Variants in CD226 observed in about 807,000 individuals in gnomAD.
The protein encoded by CD226 is CD226 molecule, also known as CD226 antigen.
A neutral mutation model predicts 34.9 loss-of-function variants in CD226; 24 were observed. That is an observed-to-expected ratio of 0.69 (90% confidence interval 0.50 to 0.97). The LOEUF is 0.97. Among genes scored for constraint, CD226 ranks in the 50% least tolerant of loss-of-function variants. The pLI is 0.00. For synonymous variants in CD226, 148 were observed against 147.4 expected, an observed-to-expected ratio of 1.00 and a Z score of -0.03; for missense variants, 397 against 412.7, an observed-to-expected ratio of 0.96 and a Z score of 0.33.
intron 2 of CD226, among the ~76,000 whole-genome samples, chr18:69,913,285 T>C (rs1159419611): frequency 6.6e-6 from 1 of 151,964 alleles, no homozygotes; most frequent in Non-Finnish European, 1.5e-5. Flanking sequence ...TTTTAGAAAA[T>C]AGATCGCCAG....
chr18:69,867,641 C>T (rs1299000060), intron 4 of CD226, among the ~76,000 whole-genome samples: 1 of 152,146 alleles, frequency 6.6e-6, no homozygotes, highest in East Asian at 1.9e-4. Flanking sequence ...TATCTAACCA[C>T]TGTGCATTAG....
intron 1 of CD226, among the ~76,000 whole-genome samples, chr18:69,955,846 G>A (rs922668188): frequency 3.1e-5 from 4 of 127,062 alleles, no homozygotes; most frequent in Non-Finnish European, 6.4e-5. Flanking sequence ...CTGGGCAAAG[G>A]AGCGAGACTC....
chr18:69,874,662 T>C (rs1228817242), intron 3 of CD226, among the ~76,000 whole-genome samples: 2 of 152,234 alleles, frequency 1.3e-5, no homozygotes, highest in Non-Finnish European at 2.9e-5. Context: ...AAATTTCTTC[T>C]CACTTTATCC....
intron 2 of CD226, among the ~76,000 whole-genome samples, chr18:69,910,484 G>A: frequency 6.6e-6 from 1 of 152,216 alleles, no homozygotes; most frequent in East Asian, 1.9e-4. Context: ...CACTGGGCTA[G>A]TATTCCTCAG....
Position 69,860,767 on chromosome 18 carries a change from G to A in CD226, c.*3547C>T, listed in dbSNP as rs779061732. On this transcript the variant is annotated 3_prime_UTR_variant, in exon 6 of 6. Coordinates refer to ENST00000582621, the MANE Select transcript of CD226 (RefSeq NM_001303618.2). ...ACATTTTAATAGTAGCTAAACTAATGATGACATGTTTATATTGTCTTATAT... is the reference window on the plus strand; with the variant it reads ...ACATTTTAATAGTAGCTAAACTAATAATGACATGTTTATATTGTCTTATAT... 1 of 152,092 alleles carries A rather than the reference G, an allele frequency of 6.6e-6. No homozygotes were observed. Among genetic ancestry groups the A allele is most frequent in the African/African-American group, 2.4e-5 (1 of 41,432 alleles). The allele number at this position is 152,092 out of a possible 1,614,324, so 9.4% of individuals were successfully genotyped here.
At chr18:69,921,830 G>A (rs894465316) in intron 2 of CD226, among the ~76,000 whole-genome samples, 7 of 151,900 alleles carry the variant, frequency 4.6e-5, no homozygotes, top group South Asian at 2.1e-4. Context: ...TCTTTCCTCC[G>A]GGTTTTTTGT....
chr18:69,959,718 A>G (rs1337896019), upstream of CD226, among the ~76,000 whole-genome samples: 1 of 152,250 alleles, frequency 6.6e-6, no homozygotes, highest in Non-Finnish European at 1.5e-5. Flanking sequence ...AATAGATGCT[A>G]AAACCATGAG....
At chr18:69,902,803 C>T (rs1209638380) in intron 2 of CD226, among the ~76,000 whole-genome samples, 1 of 151,992 alleles carries the variant, frequency 6.6e-6, no homozygotes, top group African/African-American at 2.4e-5. Flanking sequence ...TTGCCCTAAG[C>T]CATCTGCAGG....
chr18:69,917,389 C>A (rs924965236), intron 2 of CD226, among the ~76,000 whole-genome samples: 1 of 152,298 alleles, frequency 6.6e-6, no homozygotes, highest in East Asian at 1.9e-4. Flanking sequence ...CTCCCTCCCC[C>A]AGCACCATCT....
At chr18:69,914,630 A>C (rs976348194) in intron 2 of CD226, among the ~76,000 whole-genome samples, 1 of 152,210 alleles carries the variant, frequency 6.6e-6, no homozygotes, top group African/African-American at 2.4e-5. Flanking sequence ...AATGACAACC[A>C]CAACCATTTC....
At chr18:69,939,099 A>G (rs1346608225) in intron 2 of CD226, among the ~76,000 whole-genome samples, 3 of 152,212 alleles carry the variant, frequency 2.0e-5, no homozygotes, top group Admixed American at 6.5e-5. Context: ...AAAGGAAAAG[A>G]AAAAGAAATC....
At position 69,867,327 on chromosome 18, in the gene CD226, G is replaced by GA. The variant is rs771489351; in HGVS notation, c.885+29dup. ...GACTTTGCATCTGTAAATTACAAAA[G>GA]AAAAAAATGACAGTTCCGTATAAAC... On this transcript the variant is annotated intron_variant, in intron 5 of 5. Coordinates refer to ENST00000582621, the MANE Select transcript of CD226 (RefSeq NM_001303618.2). The GA allele has an allele frequency of 2.2e-5, 33 of 1,499,462 alleles. No individual in the cohort carries two copies. The Admixed American group carries it at 2.9e-4, about 13-fold the overall frequency. The allele number at this position is 1,499,462 out of a possible 1,614,324, so 92.9% of individuals were successfully genotyped here.
intron 3 of CD226, among the ~76,000 whole-genome samples, chr18:69,882,010 TCAGAGAA>T (rs1452080608): frequency 6.6e-6 from 1 of 152,242 alleles, no homozygotes; most frequent in Non-Finnish European, 1.5e-5. Flanking sequence ...TAAATTATTT[TCAGAGAA>T]TTAAAGGGCC....
Position 69,862,349 on chromosome 18 carries a change from C to T in CD226, c.*1965G>A, listed in dbSNP as rs189229762. On this transcript the variant is annotated 3_prime_UTR_variant, in exon 6 of 6. Coordinates refer to ENST00000582621, the MANE Select transcript of CD226 (RefSeq NM_001303618.2). ...TACCATTCAGAAAAGAAATTATTTACCTTTTAATTGATGCTAAGCTTGCTT... is the reference window on the plus strand; with the variant it reads ...TACCATTCAGAAAAGAAATTATTTATCTTTTAATTGATGCTAAGCTTGCTT... 1.3e-5 allele frequency: 2 copies of T among 152,242 alleles called. No individual in the cohort carries two copies. Among genetic ancestry groups the T allele is most frequent in the African/African-American group, 4.8e-5 (2 of 41,574 alleles). The allele number at this position is 152,242 out of a possible 1,614,324, so 9.4% of individuals were successfully genotyped here. A position where few individuals can be genotyped will look rare whatever the true frequency, so the allele number is the denominator to read the frequency against.
At chr18:69,869,034 G>T (rs763684578) in intron 4 of CD226, among the ~76,000 whole-genome samples, 1 of 152,212 alleles carries the variant, frequency 6.6e-6, no homozygotes. Context: ...GGAGGAAAAA[G>T]AACACTTTTA....
At chr18:69,873,522 C>T (rs1457650426) in intron 3 of CD226, among the ~76,000 whole-genome samples, 1 of 151,644 alleles carries the variant, frequency 6.6e-6, no homozygotes, top group African/African-American at 2.4e-5. Context: ...TTGCCAAAGA[C>T]CTCATTCAAA....
chr18:69,897,570 C>T (rs1362789359), intron 2 of CD226, among the ~76,000 whole-genome samples: 1 of 151,800 alleles, frequency 6.6e-6, no homozygotes, highest in African/African-American at 2.4e-5. Flanking sequence ...GTGACAGTTT[C>T]ACTCAGGACT....
intron 3 of CD226, among the ~76,000 whole-genome samples, chr18:69,886,443 C>T (rs994134952): frequency 6.6e-6 from 1 of 152,154 alleles, no homozygotes; most frequent in African/African-American, 2.4e-5. Flanking sequence ...CAGTGGCTCA[C>T]GTCTGCAATC....
At chr18:69,957,858 A>T (rs1315359936), upstream of CD226, among the ~76,000 whole-genome samples, 1 of 152,162 alleles carries the variant, frequency 6.6e-6, no homozygotes, top group Non-Finnish European at 1.5e-5. Flanking sequence ...ACTGTCCCCA[A>T]GAGAATATCC....
Sources: gnomAD v4.1 joint callset for allele counts (sites outside exome capture counted in the v4.1 genomes callset) on GRCh38, gnomAD v4.1.1 for gene constraint, MANE v1.5 for transcripts, NCBI Gene and HGNC (gene_info 2026-07-23, HGNC 2026-07-21) for gene names.